SPTSSB: variants seen among roughly 807,000 people sequenced by gnomAD.
SPTSSB encodes the protein serine palmitoyltransferase small subunit B.
SPTSSB carries 6 observed loss-of-function variants against 7.7 expected under a neutral mutation model. The observed-to-expected ratio is 0.78, with a 90% CI of 0.43 to 1.54. The LOEUF (loss-of-function observed/expected upper bound fraction) is 1.54. SPTSSB is among the 40% of genes most tolerant of loss of function. SPTSSB has a pLI of 0.01. For missense variants in SPTSSB, 91 were observed against 93.0 expected (o/e 0.98, Z 0.09); for synonymous variants, 28 against 29.7 (o/e 0.94, Z 0.19).
intron 2 of SPTSSB, among the ~76,000 whole-genome samples, chr3:161,355,176 G>A (rs981329454): frequency 1.1e-4 from 16 of 152,148 alleles, no homozygotes; most frequent in African/African-American, 3.9e-4. Context: ...TCCTTTCTTA[G>A]TATGAGCTTC....
chr3:161,360,963 T>C (rs1203881909), intron 1 of SPTSSB, among the ~76,000 whole-genome samples: 2 of 152,120 alleles, frequency 1.3e-5, no homozygotes, highest in Non-Finnish European at 2.9e-5. Context: ...AAATATGGTG[T>C]CACAGATGAG....
rs1714146680 is a variant in SPTSSB at position 161,345,077 on chromosome 3, C to T, written c.*1016G>A. 1 of 152,570 alleles carries T rather than the reference C, an allele frequency of 6.6e-6. No homozygotes were observed. Among genetic ancestry groups the T allele is most frequent in the African/African-American group, 2.4e-5 (1 of 41,432 alleles). The allele number at this position is 152,570 out of a possible 1,614,324, so 9.5% of individuals were successfully genotyped here. On this transcript the variant is annotated 3_prime_UTR_variant, in exon 3 of 3. Coordinates refer to ENST00000620149, the MANE Select transcript of SPTSSB (RefSeq NM_001040100.2). Reference sequence around the variant, plus strand: ...TGCAAAACGTAGTCTTTGGCATTCACATTTGCTTCAGCAGTATAATTAAAA... The same window carrying T: ...TGCAAAACGTAGTCTTTGGCATTCATATTTGCTTCAGCAGTATAATTAAAA...
At chr3:161,359,753 G>A in intron 2 of SPTSSB, 49 bp downstream of exon 2, 1 of 985,258 alleles carries the variant, frequency 1.0e-6, no homozygotes, top group South Asian at 4.7e-5. Context: ...AGTGAAAAGG[G>A]GCAGATTTCT....
chr3:161,345,861 G>A lies in SPTSSB; in HGVS notation c.*232C>T, dbSNP rs1296843843. On this transcript the variant is annotated 3_prime_UTR_variant, in exon 3 of 3. Transcript: ENST00000620149. ...GATTTGTGTTGACAGAATATGATTT[G>A]TGAGGTAAAGTCACTGTATTATCTC... 1 of 375,420 alleles carries A rather than the reference G, an allele frequency of 2.7e-6. No homozygotes were observed. Among genetic ancestry groups the A allele is most frequent in the Non-Finnish European group, 4.9e-6 (1 of 204,086 alleles). The allele number at this position is 375,420 out of a possible 1,614,324, so 23.3% of individuals were successfully genotyped here. A position where few individuals can be genotyped will look rare whatever the true frequency, so the allele number is the denominator to read the frequency against.
chr3:161,347,893 A>T (rs1415436007), intron 2 of SPTSSB: 1 of 152,124 alleles, frequency 6.6e-6, no homozygotes, highest in Non-Finnish European at 1.5e-5. Flanking sequence ...AACAAACTGC[A>T]CTAATTAAGT....
chr3:161,352,569 C>T (rs1412077003), intron 2 of SPTSSB, among the ~76,000 whole-genome samples: 1 of 152,162 alleles, frequency 6.6e-6, no homozygotes, highest in East Asian at 1.9e-4. Context: ...TCTTTTTATC[C>T]CCAGTGCCTG....
At chr3:161,354,479 C>T (rs1483708892) in intron 2 of SPTSSB, among the ~76,000 whole-genome samples, 1 of 152,162 alleles carries the variant, frequency 6.6e-6, no homozygotes, top group African/African-American at 2.4e-5. Context: ...GTAGCTGGGA[C>T]TATTGGCACA....
chr3:161,354,560 G>A (rs1576897424), intron 2 of SPTSSB, among the ~76,000 whole-genome samples: 1 of 152,154 alleles, frequency 6.6e-6, no homozygotes, highest in African/African-American at 2.4e-5. Context: ...TGCCCAAGTT[G>A]GTCTCAGACT....
chr3:161,350,729 A>G (rs1365174831), intron 2 of SPTSSB, among the ~76,000 whole-genome samples: 2 of 152,186 alleles, frequency 1.3e-5, no homozygotes, highest in Non-Finnish European at 2.9e-5. Context: ...TTAGAAATAC[A>G]GCGATTTCCT....
At chr3:161,350,340 A>T (rs1476376551) in intron 2 of SPTSSB, among the ~76,000 whole-genome samples, 1 of 152,208 alleles carries the variant, frequency 6.6e-6, no homozygotes, top group Non-Finnish European at 1.5e-5. Context: ...TTTCTCATTA[A>T]GGAATTTCCT....
Position 161,363,429 on chromosome 3 carries a change from C to G in SPTSSB, c.-125-3535G>C, listed in dbSNP as rs565077769. On this transcript the variant is annotated intron_variant, in intron 1 of 2. Coordinates refer to ENST00000620149, the MANE Select transcript of SPTSSB (RefSeq NM_001040100.2). ...CTAAGTCAGAAGACTTTGCTGACAA[C>G]TTTAAGAGAAATATTGTTGCTATGC... Among the ~76,000 whole-genome samples the G allele has an allele frequency of 1.9e-3, 291 of 151,992 alleles. 1 individual carries two copies. The highest frequency in any genetic ancestry group is 6.5e-3 in the African/African-American group (268 of 41,540).
At chr3:161,366,163 C>G (rs1420391683) in intron 1 of SPTSSB, among the ~76,000 whole-genome samples, 2 of 152,082 alleles carry the variant, frequency 1.3e-5, no homozygotes, top group Non-Finnish European at 2.9e-5. Flanking sequence ...CAGGACAAAG[C>G]TAGAGGAAGA....
intron 2 of SPTSSB, among the ~76,000 whole-genome samples, chr3:161,358,953 CTG>C: frequency 6.6e-6 from 1 of 152,286 alleles, no homozygotes; most frequent in Non-Finnish European, 1.5e-5. Context: ...TCCAAAAACA[CTG>C]TAGCAAAAGG....
chr3:161,367,863 A>G (rs1715284843), intron 1 of SPTSSB, among the ~76,000 whole-genome samples: 1 of 152,220 alleles, frequency 6.6e-6, no homozygotes, highest in Admixed American at 6.5e-5. Context: ...TGTGGGCCTG[A>G]ACAAACTCAA....
intron 2 of SPTSSB, among the ~76,000 whole-genome samples, chr3:161,354,949 A>G (rs1333747053): frequency 6.6e-6 from 1 of 152,230 alleles, no homozygotes; most frequent in Non-Finnish European, 1.5e-5. Flanking sequence ...GTGGCTATCA[A>G]AAAGAAGAAA....
intron 1 of SPTSSB, among the ~76,000 whole-genome samples, 188 bp downstream of exon 1, chr3:161,371,247 T>G (rs1344221990): frequency 2.0e-5 from 3 of 152,234 alleles, no homozygotes; most frequent in Non-Finnish European, 4.4e-5. Flanking sequence ...GAGTGAAACA[T>G]CTTAGTTTCC....
chr3:161,354,117 CT>C (rs1400912281), intron 2 of SPTSSB, among the ~76,000 whole-genome samples: 2 of 152,248 alleles, frequency 1.3e-5, no homozygotes, highest in East Asian at 3.9e-4. Context: ...TTTATAGACC[CT>C]CTAGAGATAA....
chr3:161,346,908 G>A (rs1714267368), intron 2 of SPTSSB, among the ~76,000 whole-genome samples: 1 of 152,196 alleles, frequency 6.6e-6, no homozygotes, highest in Admixed American at 6.5e-5. Context: ...TGATGACACT[G>A]AAGAGGTGGG....
chr3:161,363,454 C>T (rs1715093690), intron 1 of SPTSSB, among the ~76,000 whole-genome samples: 1 of 151,876 alleles, frequency 6.6e-6, no homozygotes, highest in South Asian at 2.1e-4. Context: ...TGTTGCTATG[C>T]TAATAGACTG....
Sources: allele counts gnomAD v4.1 joint callset (sites outside exome capture counted in the v4.1 genomes callset), GRCh38; gene constraint gnomAD v4.1.1; transcripts MANE v1.5; gene names NCBI Gene and HGNC (gene_info 2026-07-23, HGNC 2026-07-21).